Variants in SDCCAG8 observed in about 807,000 individuals in gnomAD.
The protein encoded by SDCCAG8 is serologically defined colon cancer antigen 8.
A neutral mutation model predicts 101.8 loss-of-function variants in SDCCAG8; 74 were observed. The ratio of observed to expected loss-of-function variants is 0.73; its 90% CI spans 0.60 to 0.88. SDCCAG8 has a LOEUF of 0.88. SDCCAG8 is among the 40% of genes least tolerant of loss of function. SDCCAG8 has a pLI of 0.00. For synonymous variants in SDCCAG8, 281 were observed against 292.9 expected (o/e 0.96, Z 0.41); for missense variants, 787 against 822.6 (o/e 0.96, Z 0.53).
At chr1:243,295,218 T>C (rs998164431) in intron 6 of SDCCAG8, among the ~76,000 whole-genome samples, 1 of 152,136 alleles carries the variant, frequency 6.6e-6, no homozygotes. Flanking sequence ...TTTCACACTC[T>C]TCTCCTGTCT....
At chr1:243,286,178 C>G in intron 4 of SDCCAG8, 94 bp from the exon 5 acceptor site, 1 of 1,260,664 alleles carries the variant, frequency 7.9e-7, no homozygotes. Context: ...GAACATAAGT[C>G]TTCCGTACTT....
At chr1:243,365,456 TA>T (rs2147864906) in intron 12 of SDCCAG8, among the ~76,000 whole-genome samples, 2 of 152,264 alleles carry the variant, frequency 1.3e-5, no homozygotes, top group East Asian at 3.9e-4. Context: ...AGATACAAAA[TA>T]AGCCAAAAGT....
intron 13 of SDCCAG8, among the ~76,000 whole-genome samples, chr1:243,385,786 A>G (rs2078246409): frequency 6.6e-6 from 1 of 152,178 alleles, no homozygotes; most frequent in South Asian, 2.1e-4. Context: ...CCTGACCAAC[A>G]TGGAGAAACC....
chr1:243,261,863 T>C (rs1478547420), intron 1 of SDCCAG8, among the ~76,000 whole-genome samples: 35 of 151,416 alleles, frequency 2.3e-4, no homozygotes, highest in Non-Finnish European at 4.1e-4. Flanking sequence ...TTTTTCTTTT[T>C]TTTTTTTTTT....
intron 5 of SDCCAG8, among the ~76,000 whole-genome samples, chr1:243,292,826 G>A (rs1429626499): frequency 6.6e-6 from 1 of 152,166 alleles, no homozygotes; most frequent in African/African-American, 2.4e-5. Context: ...GAGGAGTAAA[G>A]AATAATTCCA....
intron 6 of SDCCAG8, among the ~76,000 whole-genome samples, chr1:243,294,953 T>C (rs2070722599): frequency 6.6e-6 from 1 of 152,142 alleles, no homozygotes; most frequent in Non-Finnish European, 1.5e-5. Flanking sequence ...CAGGTTCTCA[T>C]TATTATCCAC....
intron 8 of SDCCAG8, among the ~76,000 whole-genome samples, chr1:243,316,160 T>A (rs993880401): frequency 6.6e-6 from 1 of 152,232 alleles, no homozygotes; most frequent in Non-Finnish European, 1.5e-5. Flanking sequence ...AAGATTGTGT[T>A]AAATTGTGAA....
chr1:243,316,495 C>T (rs2073246345), intron 8 of SDCCAG8, among the ~76,000 whole-genome samples: 1 of 152,182 alleles, frequency 6.6e-6, no homozygotes, highest in Non-Finnish European at 1.5e-5. Flanking sequence ...TGGGCTTTCC[C>T]CTGCAGCCCT....
intron 17 of SDCCAG8, among the ~76,000 whole-genome samples, chr1:243,490,348 C>T (rs78319361): frequency 0.023 from 3,496 of 152,334 alleles, 128 homozygotes; most frequent in African/African-American, 0.08. Flanking sequence ...AAAGTCCGAG[C>T]CACAGCCGCA....
intron 16 of SDCCAG8, among the ~76,000 whole-genome samples, chr1:243,484,915 G>A (rs142704241): frequency 1.3e-3 from 196 of 152,098 alleles, no homozygotes; most frequent in South Asian, 2.7e-3. Flanking sequence ...GTGGTGGTGC[G>A]CGCCTATAGT....
intron 12 of SDCCAG8, among the ~76,000 whole-genome samples, chr1:243,353,521 A>AAAAAAG: frequency 6.9e-6 from 1 of 144,548 alleles, no homozygotes; most frequent in Non-Finnish European, 1.5e-5. Context: ...AAAAAAAAAA[A>AAAAAAG]AAGAATGTTG....
intron 12 of SDCCAG8, among the ~76,000 whole-genome samples, chr1:243,344,831 GA>G (rs755406266): frequency 5.9e-5 from 9 of 152,168 alleles, no homozygotes; most frequent in Admixed American, 3.9e-4. Context: ...AGTGACATTA[GA>G]AATGTTAGTG....
chr1:243,415,525 T>C (rs900277336), intron 13 of SDCCAG8, among the ~76,000 whole-genome samples, 177 bp from the exon 14 acceptor site: 6 of 152,180 alleles, frequency 3.9e-5, no homozygotes, highest in Non-Finnish European at 7.3e-5. Flanking sequence ...TATTTAACAC[T>C]GTATGGAAGG....
At chr1:243,287,266 T>C (rs1258190219) in intron 5 of SDCCAG8, among the ~76,000 whole-genome samples, 2 of 152,238 alleles carry the variant, frequency 1.3e-5, no homozygotes, top group South Asian at 4.1e-4. Flanking sequence ...CAACTTTCCA[T>C]GTGGAAGTTT....
chr1:243,332,660 C>T (rs962233844), intron 10 of SDCCAG8, among the ~76,000 whole-genome samples: 6 of 145,784 alleles, frequency 4.1e-5, no homozygotes, highest in Admixed American at 6.8e-5. Context: ...ATCGCGGTCC[C>T]GGTCTGGAGG....
chr1:243,339,789 T>C (rs1573416620), intron 10 of SDCCAG8, among the ~76,000 whole-genome samples: 1 of 152,226 alleles, frequency 6.6e-6, no homozygotes, highest in African/African-American at 2.4e-5. Context: ...ATTTTAGTAA[T>C]TGATTTAAGT....
chr1:243,298,806 G>T (rs1347536321), intron 6 of SDCCAG8, among the ~76,000 whole-genome samples: 1 of 152,048 alleles, frequency 6.6e-6, no homozygotes, highest in South Asian at 2.1e-4. Flanking sequence ...TCTATTACTG[G>T]ACTGTGTTTT....
chr1:243,294,915 C>T (rs1412389945), intron 6 of SDCCAG8, among the ~76,000 whole-genome samples: 2 of 151,942 alleles, frequency 1.3e-5, no homozygotes, highest in African/African-American at 4.8e-5. Context: ...ATGGAATGTT[C>T]CAGGGGAAGA....
At chr1:243,453,949 TC>T (rs1174525805) in intron 16 of SDCCAG8, among the ~76,000 whole-genome samples, 1 of 152,186 alleles carries the variant, frequency 6.6e-6, no homozygotes, top group Non-Finnish European at 1.5e-5. Context: ...TTGGGATCTT[TC>T]TATTGGCTTT....
Sources: allele counts gnomAD v4.1 joint callset (sites outside exome capture counted in the v4.1 genomes callset), GRCh38; gene constraint gnomAD v4.1.1; transcripts MANE v1.5; gene names NCBI Gene and HGNC (gene_info 2026-07-23, HGNC 2026-07-21).